The following POU6F1 variants were observed in gnomAD, a reference collection of about 807,000 sequenced individuals.
POU6F1 encodes POU domain, class 6, transcription factor 1.
POU6F1 carries 9 observed loss-of-function variants against 28.9 expected under a neutral mutation model. That is an observed-to-expected ratio of 0.31 (90% CI 0.19 to 0.54). The LOEUF is 0.54. Among genes scored for constraint, POU6F1 ranks in the 20% least tolerant of loss-of-function variants. POU6F1 has a pLI of 0.94. For synonymous variants in POU6F1, 173 were observed against 171.1 expected (o/e 1.01, Z -0.09); for missense variants, 338 against 426.1 (o/e 0.79, Z 1.82).
chr12:51,195,821 C>T (rs1942776712), intron 8 of POU6F1, 149 bp downstream of exon 8: 3 of 922,998 alleles, frequency 3.3e-6, no homozygotes, highest in Non-Finnish European at 3.2e-6. Context: ...ACATGTGGGC[C>T]TTCTACTCTG....
intron 1 of POU6F1, among the ~76,000 whole-genome samples, chr12:51,213,462 C>T (rs1335458474): frequency 6.6e-6 from 1 of 152,146 alleles, no homozygotes; most frequent in African/African-American, 2.4e-5. Flanking sequence ...TATCTTCCCA[C>T]CTCAGCCTCC....
chr12:51,197,893 C>G lies in POU6F1; in HGVS notation c.723G>C (p.Gln241His). The change falls in exon 6 of 11, where the codon CAG (glutamine) becomes CAC (histidine). Residue 241 changes from glutamine to histidine, a missense_variant. Transcript: ENST00000333640. ...QTLFQTQPLLQTTPAILPQPT... is the reference protein window; with the variant it reads ...QTLFQTQPLLHTTPAILPQPT... The stretch of plus-strand genomic sequence containing the variant: ...GCTGCGGGAGGATGGCAGGTGTGGT[C>G]TGCAGCAGCGGCTGGGTCTGGAACA... 1 of 406,468 alleles carries G rather than the reference C, an allele frequency of 2.5e-6. No individual in the cohort carries two copies. The highest frequency in any genetic ancestry group is 3.5e-5 in the East Asian group (1 of 28,236). 25.2% of individuals were successfully genotyped at this position (406,468 alleles called of 1,614,324 possible).
At chr12:51,211,017 G>A (rs1276495604) in intron 1 of POU6F1, among the ~76,000 whole-genome samples, 1 of 152,210 alleles carries the variant, frequency 6.6e-6, no homozygotes, top group Non-Finnish European at 1.5e-5. Flanking sequence ...TCCTTGTCAG[G>A]AACTTTCCAA....
rs1943079152 is a variant in POU6F1, at chr12:51,199,650, C to T, written c.366+97G>A. 3 of 398,870 alleles carry T rather than the reference C, an allele frequency of 7.5e-6. No homozygotes were observed. The highest frequency in any genetic ancestry group is 6.2e-5 in the African/African-American group (3 of 48,634). The allele number at this position is 398,870 out of a possible 1,614,324, so 24.7% of individuals were successfully genotyped here. A position where few individuals can be genotyped will look rare whatever the true frequency, so the allele number is the denominator to read the frequency against. ...CATAGCCCCTTCCCTGTCCTGCCCC[C>T]ATGAAGTTCCCAGATTCCATGGCTT... On this transcript the variant is annotated intron_variant, in intron 4 of 10. Transcript: ENST00000333640. The surrounding 1 kb of genome is among the most constrained non-coding windows in gnomAD (Gnocchi z 4.1).
intron 8 of POU6F1, among the ~76,000 whole-genome samples, chr12:51,194,029 G>A (rs1402082760): frequency 2.0e-5 from 3 of 151,974 alleles, no homozygotes; most frequent in Non-Finnish European, 2.9e-5. Context: ...TGTGAATAAC[G>A]GGGATTTTTT....
At chr12:51,196,597 G>A (rs1942842048) in intron 7 of POU6F1, among the ~76,000 whole-genome samples, 1 of 152,232 alleles carries the variant, frequency 6.6e-6, no homozygotes, top group Non-Finnish European at 1.5e-5. Context: ...AAACTCCCAC[G>A]TAATGTGAGC....
At chr12:51,205,906 C>T (rs1469575406) in intron 2 of POU6F1, among the ~76,000 whole-genome samples, 1 of 149,916 alleles carries the variant, frequency 6.7e-6, no homozygotes, top group Non-Finnish European at 1.5e-5. Context: ...GCAAGCTCCA[C>T]CTCCTGGGCT....
At position 51,190,482 on chromosome 12, in the gene POU6F1, A is replaced by G. The variant is rs372234587; in HGVS notation, c.1601T>C (p.Met534Thr). The G allele has an allele frequency of 9.3e-6, 15 of 1,613,886 alleles. No individual in the cohort carries two copies. In the East Asian group the frequency reaches 2.2e-4, roughly 24 times the overall value. The change falls in exon 11 of 11, where the codon ATG becomes ACG. Residue 534 changes from methionine to threonine, a missense_variant. By Grantham distance (81) the Met-to-Thr change is moderately conservative. Transcript: ENST00000333640. This position sits in a 1 kb window ranked among gnomAD's most constrained non-coding sequence, Gnocchi z 4.5. The stretch of plus-strand genomic sequence containing the variant: ...GGAGGGCTCGCCTCCCACAAACTCC[A>G]TCAGGTTCTGCTGGCCTTCCTGGTT... ...LRNQEGQQNL[M>T]EFVGGEPSKK...
intron 7 of POU6F1, 22 bp downstream of exon 7, chr12:51,196,777 A>G (rs990666268): frequency 6.2e-6 from 10 of 1,613,464 alleles, no homozygotes; most frequent in Non-Finnish European, 8.5e-6. Context: ...CCCACCCTCC[A>G]GCCCTGTCTT....
chr12:51,203,865 TC>T (rs1333246851), intron 3 of POU6F1, among the ~76,000 whole-genome samples: 2 of 152,098 alleles, frequency 1.3e-5, no homozygotes, highest in Non-Finnish European at 2.9e-5. Flanking sequence ...GTGCCTGATC[TC>T]CCACAGCTCA....
intron 3 of POU6F1, chr12:51,201,717 A>G (rs977481608): frequency 1.3e-5 from 2 of 152,156 alleles, no homozygotes; most frequent in African/African-American, 2.4e-5. Flanking sequence ...ATTAGGGCAT[A>G]TTTAGTAGGA....
chr12:51,190,006 C>G lies in POU6F1; in HGVS notation c.*241G>C, dbSNP rs1369094685. 3 of 627,774 alleles carry G rather than the reference C, an allele frequency of 4.8e-6. No individual in the cohort carries two copies. The highest frequency in any genetic ancestry group is 7.8e-6 in the Non-Finnish European group (3 of 385,316). The allele number at this position is 627,774 out of a possible 1,614,324, so 38.9% of individuals were successfully genotyped here. A position where few individuals can be genotyped will look rare whatever the true frequency, so the allele number is the denominator to read the frequency against. On this transcript the variant is annotated 3_prime_UTR_variant, in exon 11 of 11. Coordinates refer to ENST00000333640, the MANE Select transcript of POU6F1 (RefSeq NM_001330422.2). The surrounding 1 kb of genome is among the most constrained non-coding windows in gnomAD (Gnocchi z 4.5). The stretch of plus-strand genomic sequence containing the variant: ...TTCTCTAAGTGACGTCACAAATCCT[C>G]TTCTTCGGAGTGACCAGCCCAGAGC...
intron 3 of POU6F1, chr12:51,201,769 C>T (rs977431925): frequency 6.6e-6 from 1 of 151,988 alleles, no homozygotes; most frequent in African/African-American, 2.4e-5. Context: ...GCTGCTATTG[C>T]TTCCTGCAAG....
In POU6F1 at chr12:51,216,711, T is replaced by C. The variant is rs147865468; in HGVS notation, c.-48+931A>G. ...GCATGGGACACATGTATATGAACAA[T>C]TGAAGACCAGCCCTCTACTTTTGGA... On this transcript the variant is annotated intron_variant, in intron 1 of 10. Transcript: ENST00000333640. Among the ~76,000 whole-genome samples, 762 of 152,304 alleles carry C rather than the reference T, an allele frequency of 5.0e-3. 7 individuals are homozygous for C. Among genetic ancestry groups the C allele is most frequent in the African/African-American group, 0.017 (716 of 41,564 alleles).
Position 51,196,917 on chromosome 12 carries a change from G to A in POU6F1, c.857C>T (p.Ala286Val). 1 of 1,580,748 alleles carries A rather than the reference G, an allele frequency of 6.3e-7. No individual in the cohort carries two copies. ...GATCTGGGTCTGTCCCCCGAGGGAA[G>A]CAGCACTGATCTGTGGGTGGAGGAA... ...FAFSPGIISAASLGGQTQILG... is the reference protein window; with the variant it reads ...FAFSPGIISAVSLGGQTQILG... Residue 286 changes from alanine to valine, a missense_variant, in exon 7 of 11, where the codon GCT becomes GTT. This residue lies in a region of POU6F1 where 206 missense variants were observed against 225.6 expected (regional missense o/e 0.91). Coordinates refer to ENST00000333640, the MANE Select transcript of POU6F1 (RefSeq NM_001330422.2).
chr12:51,201,509 C>A (rs1943202810), intron 3 of POU6F1, among the ~76,000 whole-genome samples: 1 of 147,984 alleles, frequency 6.8e-6, no homozygotes, highest in Non-Finnish European at 1.5e-5. Context: ...AAGATGCTAT[C>A]TCTACAGAAA....
chr12:51,203,274 T>C (rs1450960397), intron 3 of POU6F1, among the ~76,000 whole-genome samples: 1 of 151,686 alleles, frequency 6.6e-6, no homozygotes, highest in Non-Finnish European at 1.5e-5. Context: ...GAGGGCATGA[T>C]GAATAAACCT....
At chr12:51,212,583 C>A (rs1944065190) in intron 1 of POU6F1, among the ~76,000 whole-genome samples, 1 of 149,408 alleles carries the variant, frequency 6.7e-6, no homozygotes. Flanking sequence ...GAGTTCGAGA[C>A]CAGTCTGATC....
chr12:51,192,775 G>C (rs935578795), intron 8 of POU6F1, among the ~76,000 whole-genome samples: 4 of 152,028 alleles, frequency 2.6e-5, no homozygotes, highest in East Asian at 3.9e-4. Context: ...CATGGTGGTG[G>C]GTGCCTATAA....
Sources: gnomAD v4.1 joint callset for allele counts (sites outside exome capture counted in the v4.1 genomes callset) on GRCh38, gnomAD v4.1.1 for gene constraint, gnomAD v4.1.1 regional missense constraint, Gnocchi (gnomAD v3.1) non-coding constraint, MANE v1.5 for transcripts, NCBI Gene and HGNC (gene_info 2026-07-23, HGNC 2026-07-21) for gene names.